The following RIMS2 variants were observed in gnomAD, a reference collection of about 807,000 sequenced individuals.
RIMS2 encodes regulating synaptic membrane exocytosis 2.
RIMS2 carries 59 observed loss-of-function variants against 174.4 expected under a neutral mutation model. That is an observed-to-expected ratio of 0.34 (90% CI 0.27 to 0.42). The LOEUF is 0.42. RIMS2 is among the 10% of genes least tolerant of loss of function. The pLI is 1.00. For synonymous variants in RIMS2, 606 were observed against 572.5 expected, an observed-to-expected ratio of 1.06 and a Z score of -0.84; for missense variants, 1,620 against 1,666.3, an observed-to-expected ratio of 0.97 and a Z score of 0.48.
chr8:103,574,968 A>G (rs909490174), intron 1 of RIMS2, among the ~76,000 whole-genome samples: 6 of 152,200 alleles, frequency 3.9e-5, no homozygotes, highest in Non-Finnish European at 7.4e-5. Context: ...CATTGTAGCT[A>G]TTAAAAATTT....
chr8:104,213,456 T>G (rs2099114484), intron 19 of RIMS2, among the ~76,000 whole-genome samples: 2 of 152,238 alleles, frequency 1.3e-5, no homozygotes, highest in African/African-American at 4.8e-5. Context: ...AACATCTGTC[T>G]ACTCATTACA....
At chr8:103,612,227 G>C (rs2095393977) in intron 1 of RIMS2, among the ~76,000 whole-genome samples, 1 of 152,100 alleles carries the variant, frequency 6.6e-6, no homozygotes, top group Admixed American at 6.5e-5. Flanking sequence ...TCTTAAAATA[G>C]CTATATTGAA....
At chr8:103,952,578 G>C (rs576129676) in intron 14 of RIMS2, among the ~76,000 whole-genome samples, 3 of 152,260 alleles carry the variant, frequency 2.0e-5, no homozygotes, top group South Asian at 4.1e-4. Context: ...CAACAAAAAG[G>C]ACGTCCACTC....
chr8:104,232,864 A>G (rs948707901), intron 19 of RIMS2, among the ~76,000 whole-genome samples: 2 of 147,336 alleles, frequency 1.4e-5, no homozygotes, highest in African/African-American at 5.2e-5. Flanking sequence ...CTATAGTTGA[A>G]GGATGGGATA....
At chr8:103,849,442 A>T (rs1262470072) in intron 3 of RIMS2, among the ~76,000 whole-genome samples, 3 of 152,072 alleles carry the variant, frequency 2.0e-5, no homozygotes, top group Admixed American at 2.0e-4. Flanking sequence ...CTGAGGAAAC[A>T]TGTGGTCTCA....
chr8:103,846,721 G>A (rs755102744), intron 3 of RIMS2, among the ~76,000 whole-genome samples: 8 of 152,064 alleles, frequency 5.3e-5, no homozygotes, highest in Non-Finnish European at 8.8e-5. Flanking sequence ...CTCTATTCAG[G>A]CACAGGTCCT....
At chr8:104,125,475 A>C (rs79610690) in intron 19 of RIMS2, among the ~76,000 whole-genome samples, 3,339 of 152,260 alleles carry the variant, frequency 0.022, 125 homozygotes, top group African/African-American at 0.075. Context: ...TGCCTAGTAC[A>C]TAATAGATGG....
At chr8:103,871,025 A>G (rs983844346) in intron 3 of RIMS2, among the ~76,000 whole-genome samples, 1 of 152,166 alleles carries the variant, frequency 6.6e-6, no homozygotes, top group African/African-American at 2.4e-5. Context: ...CCCAATTTCA[A>G]TTTCTACTTA....
At chr8:103,628,573 C>T (rs1234387388) in intron 1 of RIMS2, among the ~76,000 whole-genome samples, 2 of 151,746 alleles carry the variant, frequency 1.3e-5, no homozygotes, top group Non-Finnish European at 2.9e-5. Flanking sequence ...AGGCTGGTCT[C>T]GAACTCCTGA....
chr8:103,819,658 T>A (rs2098739594), intron 3 of RIMS2: 2 of 1,528,132 alleles, frequency 1.3e-6, no homozygotes, highest in Non-Finnish European at 1.8e-6. Flanking sequence ...TATTTTCTTT[T>A]AATATTGTTA....
intron 1 of RIMS2, among the ~76,000 whole-genome samples, chr8:103,587,378 C>A (rs1203450282): frequency 1.4e-5 from 2 of 141,854 alleles, no homozygotes; most frequent in African/African-American, 2.6e-5. Context: ...TACCCTGATA[C>A]CAAAACCAAA....
chr8:104,160,878 GGTGGAACATCAT>G (rs2134695400), intron 19 of RIMS2, among the ~76,000 whole-genome samples: 1 of 152,206 alleles, frequency 6.6e-6, no homozygotes, highest in African/African-American at 2.4e-5. Flanking sequence ...CATAAAACAA[GGTGGAACATCAT>G]GAGGATTAGC....
At chr8:103,514,807 A>T (rs1828175510) in intron 1 of RIMS2, among the ~76,000 whole-genome samples, 1 of 152,082 alleles carries the variant, frequency 6.6e-6, no homozygotes, top group African/African-American at 2.4e-5. Context: ...CTGAGGCAGG[A>T]TAATTGCTTG....
At chr8:104,002,962 T>G (rs2095443370) in intron 17 of RIMS2, among the ~76,000 whole-genome samples, 1 of 152,206 alleles carries the variant, frequency 6.6e-6, no homozygotes, top group Non-Finnish European at 1.5e-5. Context: ...TCATTGTGCA[T>G]TTTTAAATTC....
intron 2 of RIMS2, among the ~76,000 whole-genome samples, chr8:103,758,263 G>A (rs559125690): frequency 6.6e-6 from 1 of 152,180 alleles, no homozygotes; most frequent in South Asian, 2.1e-4. Flanking sequence ...GGGATCTCCA[G>A]TTCAGAACCA....
At chr8:103,573,458 A>C (rs534609524) in intron 1 of RIMS2, among the ~76,000 whole-genome samples, 2 of 152,028 alleles carry the variant, frequency 1.3e-5, no homozygotes, top group Non-Finnish European at 2.9e-5. Flanking sequence ...TTTGTTTATT[A>C]CTATTTATTG....
At chr8:103,736,571 G>A (rs1325052240) in intron 2 of RIMS2, among the ~76,000 whole-genome samples, 1 of 152,024 alleles carries the variant, frequency 6.6e-6, no homozygotes, top group African/African-American at 2.4e-5. Context: ...ACTAATTTTG[G>A]TCTATTATGT....
At chr8:103,885,905 C>A (rs2099198161) in exon 4 of RIMS2, 1 of 1,612,444 alleles carries the variant, frequency 6.2e-7, no homozygotes, top group Non-Finnish European at 8.5e-7. Context: ...TCCTCCTACC[C>A]CCAGGAGGAG....
intron 19 of RIMS2, among the ~76,000 whole-genome samples, chr8:104,224,686 A>G (rs1035749532): frequency 5.3e-5 from 8 of 152,180 alleles, no homozygotes; most frequent in Admixed American, 5.2e-4. Flanking sequence ...ATCCCGAGAA[A>G]ATCAATGACC....
Sources: gnomAD v4.1 joint callset for allele counts (sites outside exome capture counted in the v4.1 genomes callset) on GRCh38, gnomAD v4.1.1 for gene constraint, MANE v1.5 for transcripts, NCBI Gene and HGNC (gene_info 2026-07-23, HGNC 2026-07-21) for gene names.